The following SULT2B1 variants were observed in gnomAD, a reference collection of about 807,000 sequenced individuals.
SULT2B1 encodes the protein sulfotransferase 2B1.
Under a neutral mutation model 33.2 loss-of-function variants are expected in SULT2B1, and 16 were observed. The ratio of observed to expected loss-of-function variants is 0.48; its 90% CI spans 0.33 to 0.73. The LOEUF (loss-of-function observed/expected upper bound fraction) is 0.73. Among genes scored for constraint, SULT2B1 ranks in the 30% least tolerant of loss-of-function variants. The probability of loss-of-function intolerance (pLI) is 0.02; values close to 1 mark genes in which losing one functional copy is unlikely to be tolerated. For missense variants in SULT2B1, 500 were observed against 506.0 expected, an observed-to-expected ratio of 0.99 and a Z score of 0.11; for synonymous variants, 186 against 200.5, an observed-to-expected ratio of 0.93 and a Z score of 0.61.
intron 1 of SULT2B1, among the ~76,000 whole-genome samples, chr19:48,561,161 G>A (rs1210950539): frequency 6.6e-6 from 1 of 151,476 alleles, no homozygotes; most frequent in East Asian, 2.0e-4. Context: ...CCGGTGTGGT[G>A]GCTCATGCCT....
chr19:48,597,033 A>AACAGGGTCACTG, intron 6 of SULT2B1, 114 bp downstream of exon 6: 1 of 1,197,232 alleles, frequency 8.4e-7, no homozygotes. Context: ...ACATTGGGTG[A>AACAGGGTCACTG]ACAGGGTCAC....
chr19:48,597,065 G>T (rs553115951), intron 6 of SULT2B1, 146 bp downstream of exon 6: 75 of 975,148 alleles, frequency 7.7e-5, no homozygotes, highest in Admixed American at 4.1e-4. Context: ...GGTTGATCAC[G>T]CACGGGGCTT....
chr19:48,596,749 G>T lies in SULT2B1; in HGVS notation c.656G>T (p.Gly219Val). ...TYEELQQDLQ[G>V]SVERICGFLG... ...CTCCCCTGCCTGCAGGACTTACAGG[G>T]CTCCGTGGAGCGCATCTGTGGGTTC... is the stretch of plus-strand genomic sequence containing the variant. Residue 219 changes from glycine to valine, a missense_variant, in exon 6 of 7, where the codon GGC becomes GTC. Physicochemically the swap from Gly to Val is moderately radical, Grantham distance 109. Transcript: ENST00000201586. The T allele has an allele frequency of 4.4e-6, 7 of 1,604,580 alleles. No homozygotes were observed. Among genetic ancestry groups the T allele is most frequent in the Non-Finnish European group, 5.1e-6 (6 of 1,179,424 alleles).
intron 1 of SULT2B1, among the ~76,000 whole-genome samples, chr19:48,564,420 G>A (rs1020746335): frequency 3.3e-5 from 5 of 150,714 alleles, no homozygotes; most frequent in Non-Finnish European, 5.9e-5. Flanking sequence ...GGGCGTGGTG[G>A]CAGGTGCCTG....
chr19:48,571,563 G>A (rs916157762), intron 1 of SULT2B1, among the ~76,000 whole-genome samples: 2 of 151,618 alleles, frequency 1.3e-5, no homozygotes, highest in Admixed American at 1.3e-4. Flanking sequence ...AATAAATATT[G>A]ACAAGCACCT....
At chr19:48,596,513 C>A in intron 5 of SULT2B1, 1 of 517,554 alleles carries the variant, frequency 1.9e-6, no homozygotes, top group Non-Finnish European at 3.4e-6. Context: ...CTGCCCCAAG[C>A]CCACCTATTC....
chr19:48,554,222 G>A (rs1357984888), intron 1 of SULT2B1, among the ~76,000 whole-genome samples: 1 of 151,580 alleles, frequency 6.6e-6, no homozygotes, highest in Admixed American at 6.6e-5. Context: ...CCTCTCCCCA[G>A]CGAGCCTGCT....
intron 1 of SULT2B1, among the ~76,000 whole-genome samples, chr19:48,572,505 C>T (rs1409738129): frequency 7.7e-6 from 1 of 130,468 alleles, no homozygotes; most frequent in Non-Finnish European, 1.8e-5. Flanking sequence ...CAGAGCAAGA[C>T]TCCATCTCAA....
At chr19:48,574,966 G>A (rs939809559) in intron 1 of SULT2B1, among the ~76,000 whole-genome samples, 1 of 152,138 alleles carries the variant, frequency 6.6e-6, no homozygotes, top group African/African-American at 2.4e-5. Flanking sequence ...CCTACTGTGT[G>A]CGCAAGGCTG....
chr19:48,587,279 C>G lies in SULT2B1; in HGVS notation c.265C>G (p.Pro89Ala). 6.2e-7 allele frequency: 1 copy of G among 1,614,012 alleles called. No homozygotes were observed. The highest frequency in any genetic ancestry group is 8.5e-7 in the Non-Finnish European group (1 of 1,179,986). ...IICLILKEGDPSWIRSVPIWE... is the reference protein window; with the variant it reads ...IICLILKEGDASWIRSVPIWE... ...CTGCTTAATCCTGAAGGAAGGGGAT[C>G]CATCCTGGATCCGCTCCGTGCCCAT... The change falls in exon 3 of 7, where the codon CCA becomes GCA. Residue 89 changes from proline (P) to alanine (A), a missense_variant. Pro to Ala is a conservative substitution (Grantham distance 27). Transcript: ENST00000201586.
At chr19:48,577,740 AAGT>A (rs1044136821) in intron 2 of SULT2B1, among the ~76,000 whole-genome samples, 1 of 152,088 alleles carries the variant, frequency 6.6e-6, no homozygotes, top group African/African-American at 2.4e-5. Context: ...CTCCTCCAAC[AAGT>A]ATTTATTAAA....
At chr19:48,590,699 C>A (rs758140894) in intron 3 of SULT2B1, among the ~76,000 whole-genome samples, 2 of 152,194 alleles carry the variant, frequency 1.3e-5, no homozygotes, top group Non-Finnish European at 2.9e-5. Flanking sequence ...AGAAAGGAAT[C>A]CTCTACAGCA....
rs571577098 is a variant in SULT2B1, at chr19:48,573,498, A to G, written c.72-2443A>G. Among the ~76,000 whole-genome samples the G allele has an allele frequency of 1.3e-3, 192 of 152,210 alleles. 1 individual carries two copies. The highest frequency in any genetic ancestry group is 4.5e-3 in the African/African-American group (188 of 41,538). Reference sequence around the variant, plus strand: ...GGGTACCTGTTTTAGGAATGCGAGAATGCAGCCACGTAGGCATGTGGGTGG... The same window carrying G: ...GGGTACCTGTTTTAGGAATGCGAGAGTGCAGCCACGTAGGCATGTGGGTGG... On this transcript the variant is annotated intron_variant, in intron 1 of 6. Transcript: ENST00000201586.
chr19:48,559,959 T>TA (rs769845924), intron 1 of SULT2B1, among the ~76,000 whole-genome samples: 4,214 of 133,432 alleles, frequency 0.032, 63 homozygotes, highest in Non-Finnish European at 0.047. Context: ...CATCTCTCTT[T>TA]AAAAAAAAAA....
chr19:48,587,111 TA>T (rs34482710), intron 2 of SULT2B1, 117 bp from the exon 3 acceptor site: 107,957 of 644,386 alleles, frequency 0.17, 9,284 homozygotes, highest in African/African-American at 0.3. Flanking sequence ...GACTCTGTCT[TA>T]AAAAAAAATA....
At position 48,552,268 on chromosome 19, in the gene SULT2B1, G is replaced by A. The variant is rs1239123763; in HGVS notation, c.16G>A (p.Glu6Lys). The change falls in exon 1 of 7, where the codon GAG (glutamate) becomes AAG (lysine). Residue 6 changes from glutamate to lysine, a missense_variant. By Grantham distance (56) the Glu-to-Lys change is moderately conservative (BLOSUM62 1). Coordinates refer to ENST00000201586, the MANE Select transcript of SULT2B1 (RefSeq NM_177973.2). This position sits in a 1 kb window ranked among gnomAD's most constrained non-coding sequence, Gnocchi z 4.8. ...CCCACCTGCCATGGACGGGCCCGCC[G>A]AGCCCCAGATCCCGGGCTTGTGGGA... MDGPA[E>K]PQIPGLWDTY... 1.9e-6 allele frequency: 3 copies of A among 1,613,892 alleles called. No homozygotes were observed. The highest frequency in any genetic ancestry group is 1.1e-5 in the South Asian group (1 of 91,062).
chr19:48,561,927 C>G (rs566061120), intron 1 of SULT2B1, among the ~76,000 whole-genome samples: 10 of 150,980 alleles, frequency 6.6e-5, no homozygotes, highest in African/African-American at 2.4e-4. Flanking sequence ...CCAGCCTGGT[C>G]AACATGGCAA....
At chr19:48,574,022 G>A (rs992100365) in intron 1 of SULT2B1, among the ~76,000 whole-genome samples, 1 of 151,992 alleles carries the variant, frequency 6.6e-6, no homozygotes, top group Non-Finnish European at 1.5e-5. Context: ...TACCACAGTC[G>A]GCTAATTTTT....
At chr19:48,597,356 T>C (rs1601116183) in intron 6 of SULT2B1, among the ~76,000 whole-genome samples, 1 of 100,996 alleles carries the variant, frequency 9.9e-6, no homozygotes, top group East Asian at 3.0e-4. Flanking sequence ...TTTTTTTTTT[T>C]TGAAAGAGTC....
Sources: gnomAD v4.1 joint callset for allele counts (sites outside exome capture counted in the v4.1 genomes callset) on GRCh38, gnomAD v4.1.1 for gene constraint, Gnocchi (gnomAD v3.1) non-coding constraint, MANE v1.5 for transcripts, NCBI Gene and HGNC (gene_info 2026-07-23, HGNC 2026-07-21) for gene names.